Variants in ZNF197 observed in about 807,000 individuals in gnomAD.
ZNF197 encodes the protein zinc finger protein 197.
In ZNF197, 14 loss-of-function variants were observed where a neutral mutation model predicts 27.4. The ratio of observed to expected loss-of-function variants is 0.51; its 90% CI spans 0.34 to 0.80. The LOEUF (loss-of-function observed/expected upper bound fraction) is 0.80, where lower values mean the gene tolerates loss of function less well. Among genes scored for constraint, ZNF197 ranks in the 30% least tolerant of loss-of-function variants. ZNF197 has a pLI of 0.02. For synonymous variants in ZNF197, 415 were observed against 420.0 expected, an observed-to-expected ratio of 0.99 and a Z score of 0.15; for missense variants, 1,090 against 1,222.6, an observed-to-expected ratio of 0.89 and a Z score of 1.62.
rs997619464 is a variant in ZNF197, at chr3:44,625,125, G to T, written c.-100G>T. 1 of 152,264 alleles carries T rather than the reference G, an allele frequency of 6.6e-6. No individual in the cohort carries two copies. The highest frequency in any genetic ancestry group is 1.5e-5 in the Non-Finnish European group (1 of 68,066). The allele number at this position is 152,264 out of a possible 1,614,324, so 9.4% of individuals were successfully genotyped here. ...CGAGGCGGCGGTACGCAAGGCTGGA[G>T]CCGCAGCGGGAGCCCCCGGTGAGCG... On this transcript the variant is annotated 5_prime_UTR_variant, in exon 1 of 6. Transcript: ENST00000344387.
Position 44,629,493 on chromosome 3 carries a change from T to A in ZNF197, c.339T>A (p.Ala113=). 6.3e-7 allele frequency: 1 copy of A among 1,599,028 alleles called. No individual in the cohort carries two copies. Among genetic ancestry groups the A allele is most frequent in the Non-Finnish European group, 8.5e-7 (1 of 1,173,588 alleles). ...QLHHPGSGEE[A]VALVEELQKD... ...ATCACCCTGGAAGTGGCGAGGAGGCTGTGGCCCTGGTAGAGGAGCTGCAGA... is the reference window on the plus strand; with the variant it reads ...ATCACCCTGGAAGTGGCGAGGAGGCAGTGGCCCTGGTAGAGGAGCTGCAGA... Residue 113 remains alanine, a synonymous_variant, in exon 2 of 6, where the codon GCT becomes GCA. Coordinates refer to ENST00000344387, the MANE Select transcript of ZNF197 (RefSeq NM_006991.5).
chr3:44,632,268 G>A lies in ZNF197; in HGVS notation c.642+72G>A, dbSNP rs1039126008. The A allele has an allele frequency of 6.4e-6, 10 of 1,562,042 alleles. No homozygotes were observed. The African/African-American group carries it at 1.2e-4, about 19-fold the overall frequency. ...GGCTGAAGTGCCCTCTCTCATCCTT[G>A]TGCTTCAATGTCCAGTCAGTTCCCA... On this transcript the variant is annotated intron_variant, in intron 4 of 5. Transcript: ENST00000344387.
chr3:44,627,830 C>CAA (rs536166949), intron 1 of ZNF197, among the ~76,000 whole-genome samples: 15,926 of 85,082 alleles, frequency 0.19, 1,003 homozygotes, highest in Middle Eastern at 0.3. Flanking sequence ...GACTCCATCT[C>CAA]AAAAAAAAAA....
intron 3 of ZNF197, among the ~76,000 whole-genome samples, chr3:44,631,431 C>T (rs1459324019): frequency 2.6e-5 from 4 of 151,644 alleles, no homozygotes; most frequent in Non-Finnish European, 5.9e-5. Flanking sequence ...GACGGAGTCT[C>T]GCTCTGTCGC....
At chr3:44,632,307 G>C (rs1490535827) in intron 4 of ZNF197, 111 bp downstream of exon 4, 21 of 1,512,744 alleles carry the variant, frequency 1.4e-5, no homozygotes, top group Non-Finnish European at 1.9e-5. Flanking sequence ...CTAAATCAGG[G>C]TCTATGCTAT....
chr3:44,630,029 C>T (rs938567828), intron 2 of ZNF197, among the ~76,000 whole-genome samples: 1 of 152,106 alleles, frequency 6.6e-6, no homozygotes, highest in African/African-American at 2.4e-5. Context: ...CCAGCCTGGA[C>T]AACATGGGAA....
At position 44,643,742 on chromosome 3, in the gene ZNF197, A is replaced by G; in HGVS notation, c.2612A>G (p.Glu871Gly). Residue 871 changes from glutamate to glycine, a missense_variant, in exon 6 of 6, where the codon GAA becomes GGA. Transcript: ENST00000344387. ...GAACATCAAAGAATTCACAGTGGAG[A>G]AAAAACCTACGAATGTCATGTATGT... ...LIEHQRIHSG[E>G]KTYECHVCRK... The G allele has an allele frequency of 6.2e-7, 1 of 1,614,058 alleles. No homozygotes were observed.
At position 44,629,191 on chromosome 3, in the gene ZNF197, CAA is replaced by C; in HGVS notation, c.38_39del (p.Gln13ArgfsTer9). ...RENVAHNALR[Q>X]EGLVKGKDDT... is the part of the protein sequence containing the mutation. ...AAATGTAGCCCACAATGCTCTGAGA[CAA>C]GAGGGCCTTGTGAAGGGGAAGGATG... On this transcript the variant is annotated frameshift_variant, in exon 2 of 6. Coordinates refer to ENST00000344387, the MANE Select transcript of ZNF197 (RefSeq NM_006991.5). LOFTEE classifies it high-confidence loss of function. 3 of 1,613,728 alleles carry C rather than the reference CAA, an allele frequency of 1.9e-6. No homozygotes were observed. Among genetic ancestry groups the C allele is most frequent in the Non-Finnish European group, 2.5e-6 (3 of 1,179,822 alleles).
rs796701681 is a variant in ZNF197 at position 44,625,437 on chromosome 3, T to TC, written c.-82+299dup. 1.3e-3 allele frequency among the ~76,000 whole-genome samples: 193 copies of TC among 152,198 alleles called. 1 individual carries two copies. The highest frequency in any genetic ancestry group is 4.1e-3 in the African/African-American group (170 of 41,532). On this transcript the variant is annotated intron_variant, in intron 1 of 5. Coordinates refer to ENST00000344387, the MANE Select transcript of ZNF197 (RefSeq NM_006991.5). ...GAGAAGAGCTGCCTCAGTAGCCTGC[T>TC]CCCCCAGCTCAGGCCTTTCTGCTCT... is the stretch of plus-strand genomic sequence containing the variant.
Position 44,646,767 on chromosome 3 carries a change from C to G in ZNF197, c.*2547C>G, listed in dbSNP as rs567795946. On this transcript the variant is annotated 3_prime_UTR_variant, in exon 6 of 6. Transcript: ENST00000344387. ...TTTTTAAAAGATAATACTAGAGAGC[C>G]GTTAGGTACTAAGAACCAGAAATAG... 3 of 433,278 alleles carry G rather than the reference C, an allele frequency of 6.9e-6. No individual in the cohort carries two copies. In the South Asian group the frequency reaches 1.1e-4, roughly 16 times the overall value. The allele number at this position is 433,278 out of a possible 1,614,324, so 26.8% of individuals were successfully genotyped here.
At chr3:44,635,456 GT>G (rs1702231888) in intron 5 of ZNF197, among the ~76,000 whole-genome samples, 1 of 152,136 alleles carries the variant, frequency 6.6e-6, no homozygotes, top group Non-Finnish European at 1.5e-5. Context: ...TTCCCTAAGG[GT>G]AAAGTACTAA....
At chr3:44,634,887 A>C (rs550275201) in intron 5 of ZNF197, among the ~76,000 whole-genome samples, 27 of 151,418 alleles carry the variant, frequency 1.8e-4, no homozygotes, top group Non-Finnish European at 3.8e-4. Context: ...CAGCCTCACT[A>C]TGCTGCCCAG....
intron 1 of ZNF197, 91 bp from the exon 2 acceptor site, chr3:44,628,983 T>TACTGGGAGCTG (rs1186044971): frequency 4.3e-6 from 4 of 919,786 alleles, no homozygotes; most frequent in East Asian, 5.3e-5. Context: ...TTCTCTTTAT[T>TACTGGGAGCTG]ACTGGGAGCT....
At position 44,647,971 on chromosome 3, in the gene ZNF197, G is replaced by GT. The variant is rs1467548118; in HGVS notation, c.*3752dup. ...ATGTTGATTTCCTTTTTCATTTTAT[G>GT]TAAGATGTAACCATGAGGGGAAAGT... On this transcript the variant is annotated 3_prime_UTR_variant, in exon 6 of 6. Coordinates refer to ENST00000344387, the MANE Select transcript of ZNF197 (RefSeq NM_006991.5). The GT allele has an allele frequency of 6.6e-6, 1 of 152,064 alleles. No homozygotes were observed. Among genetic ancestry groups the GT allele is most frequent in the Non-Finnish European group, 1.5e-5 (1 of 68,018 alleles). 9.4% of individuals were successfully genotyped at this position (152,064 alleles called of 1,614,324 possible).
chr3:44,643,157 A>C lies in ZNF197; in HGVS notation c.2027A>C (p.Asn676Thr). ...ILHQRFHTGE[N>T]LYECKDCGKV... Reference sequence around the variant, plus strand: ...CATCAAAGGTTCCACACTGGAGAGAATCTCTATGAATGTAAAGATTGTGGT... The same window carrying C: ...CATCAAAGGTTCCACACTGGAGAGACTCTCTATGAATGTAAAGATTGTGGT... The change falls in exon 6 of 6, where the codon AAT becomes ACT. Residue 676 changes from asparagine (N) to threonine (T), a missense_variant. Coordinates refer to ENST00000344387, the MANE Select transcript of ZNF197 (RefSeq NM_006991.5). The C allele has an allele frequency of 6.2e-7, 1 of 1,612,482 alleles. No homozygotes were observed. Among genetic ancestry groups the C allele is most frequent in the Non-Finnish European group, 8.5e-7 (1 of 1,179,616 alleles).
chr3:44,647,656 A>AT lies in ZNF197; in HGVS notation c.*3437dup, dbSNP rs748123563. 2.0e-5 allele frequency: 3 copies of AT among 152,236 alleles called. No individual in the cohort carries two copies. The highest frequency in any genetic ancestry group is 2.9e-5 in the Non-Finnish European group (2 of 68,038). 9.4% of individuals were successfully genotyped at this position (152,236 alleles called of 1,614,324 possible). A position where few individuals can be genotyped will look rare whatever the true frequency, so the allele number is the denominator to read the frequency against. Reference sequence around the variant, plus strand: ...CTTATTGATATCCATAACAACTCAAATAAATTTCAAGGGAATTAATGCTGA... The same window carrying AT: ...CTTATTGATATCCATAACAACTCAAATTAAATTTCAAGGGAATTAATGCTGA... On this transcript the variant is annotated 3_prime_UTR_variant, in exon 6 of 6. Coordinates refer to ENST00000344387, the MANE Select transcript of ZNF197 (RefSeq NM_006991.5).
rs1702986261 is a variant in ZNF197 at position 44,646,873 on chromosome 3, G to A, written c.*2653G>A. On this transcript the variant is annotated 3_prime_UTR_variant, in exon 6 of 6. Transcript: ENST00000344387. The stretch of plus-strand genomic sequence containing the variant: ...AGGGATCGCCTTTTCAGCAAATACT[G>A]TTGGAGTAATTGGATATCCATAGGC... 4.3e-6 allele frequency: 1 copy of A among 234,330 alleles called. No homozygotes were observed. The allele number at this position is 234,330 out of a possible 1,614,324, so 14.5% of individuals were successfully genotyped here.
Position 44,646,380 on chromosome 3 carries a change from G to A in ZNF197, c.*2160G>A. The A allele has an allele frequency of 6.4e-7, 1 of 1,569,880 alleles. No homozygotes were observed. The highest frequency in any genetic ancestry group is 8.6e-7 in the Non-Finnish European group (1 of 1,158,436). ...TTACCTCTTCACCGAGTAACAAAAT[G>A]TCACATTGCTTAGATTGAGACAGCC... On this transcript the variant is annotated 3_prime_UTR_variant, in exon 6 of 6. Coordinates refer to ENST00000344387, the MANE Select transcript of ZNF197 (RefSeq NM_006991.5).
chr3:44,646,171 A>G lies in ZNF197; in HGVS notation c.*1951A>G. 1 of 983,274 alleles carries G rather than the reference A, an allele frequency of 1.0e-6. No homozygotes were observed. The highest frequency in any genetic ancestry group is 1.2e-6 in the Non-Finnish European group (1 of 827,984). The allele number at this position is 983,274 out of a possible 1,614,324, so 60.9% of individuals were successfully genotyped here. ...TCAGGTTTTGCCATCTGCCTCAGAA[A>G]AAATCTCTTCAGTTCTTGGAGCCTT... On this transcript the variant is annotated 3_prime_UTR_variant, in exon 6 of 6. Coordinates refer to ENST00000344387, the MANE Select transcript of ZNF197 (RefSeq NM_006991.5).
Sources: gnomAD v4.1 joint callset for allele counts (sites outside exome capture counted in the v4.1 genomes callset) on GRCh38, gnomAD v4.1.1 for gene constraint, MANE v1.5 for transcripts, NCBI Gene and HGNC (gene_info 2026-07-23, HGNC 2026-07-21) for gene names.